OXR1: variants seen among roughly 807,000 people sequenced by gnomAD.
The protein encoded by OXR1 is oxidation resistance protein 1.
A neutral mutation model predicts 104.6 loss-of-function variants in OXR1; 41 were observed. The ratio of observed to expected loss-of-function variants is 0.39; its 90% confidence interval spans 0.31 to 0.51. The LOEUF is 0.51. Ranked by LOEUF, OXR1 falls within the 20% of genes least tolerant of loss-of-function variation. The pLI is 0.77. For missense variants in OXR1, 955 were observed against 1,031.9 expected (o/e 0.93, Z 1.02); for synonymous variants, 348 against 348.4 (o/e 1.00, Z 0.01).
At chr8:106,405,430 G>A (rs1451303002) in intron 2 of OXR1, among the ~76,000 whole-genome samples, 1 of 151,840 alleles carries the variant, frequency 6.6e-6, no homozygotes, top group East Asian at 1.9e-4. Context: ...TCTCTTCTGT[G>A]AAAGGTGAAT....
intron 3 of OXR1, among the ~76,000 whole-genome samples, chr8:106,553,124 C>A (rs890243077): frequency 6.6e-6 from 1 of 151,950 alleles, no homozygotes; most frequent in Admixed American, 6.6e-5. Flanking sequence ...TTAATGGGTG[C>A]AGCACACCAG....
intron 2 of OXR1, among the ~76,000 whole-genome samples, chr8:106,400,472 C>A (rs775065490): frequency 2.0e-4 from 30 of 152,252 alleles, no homozygotes; most frequent in Non-Finnish European, 3.8e-4. Flanking sequence ...GGAAGATTCC[C>A]AGGATTTTCC....
At chr8:106,443,058 C>T (rs1183016086) in intron 2 of OXR1, among the ~76,000 whole-genome samples, 1 of 152,054 alleles carries the variant, frequency 6.6e-6, no homozygotes, top group Non-Finnish European at 1.5e-5. Flanking sequence ...TATAAATCTC[C>T]CTCTTAACAG....
intron 3 of OXR1, among the ~76,000 whole-genome samples, chr8:106,653,765 G>A (rs563912892): frequency 2.6e-5 from 4 of 151,982 alleles, no homozygotes; most frequent in African/African-American, 9.6e-5. Flanking sequence ...AAGAAAAAAA[G>A]GCACCTGAAT....
chr8:106,465,783 A>G (rs958765626), intron 2 of OXR1, among the ~76,000 whole-genome samples: 1 of 152,012 alleles, frequency 6.6e-6, no homozygotes, highest in Non-Finnish European at 1.5e-5. Flanking sequence ...CTCTTATATC[A>G]CTAGATTTAG....
At chr8:106,547,497 T>C (rs567437757) in intron 3 of OXR1, among the ~76,000 whole-genome samples, 3,548 of 147,104 alleles carry the variant, frequency 0.024, 48 homozygotes, top group Non-Finnish European at 0.041. Flanking sequence ...TCTTTCTTTT[T>C]TTTTTTTTTT....
intron 1 of OXR1, among the ~76,000 whole-genome samples, chr8:106,319,072 G>A (rs117080265): frequency 8.3e-4 from 126 of 152,306 alleles, no homozygotes; most frequent in Non-Finnish European, 1.5e-3. Flanking sequence ...ATCCCAAACT[G>A]TGGACATCAT....
At chr8:106,291,755 G>C (rs953024062) in intron 1 of OXR1, among the ~76,000 whole-genome samples, 10 of 152,130 alleles carry the variant, frequency 6.6e-5, no homozygotes, top group African/African-American at 1.9e-4. Context: ...GTTCCACATG[G>C]CTGGGGAGGG....
At chr8:106,615,366 A>T (rs1366843011) in intron 3 of OXR1, among the ~76,000 whole-genome samples, 1 of 151,850 alleles carries the variant, frequency 6.6e-6, no homozygotes. Context: ...CAGGAGGTAG[A>T]TGTTGCAGTG....
At chr8:106,344,563 T>A (rs1815399876) in intron 1 of OXR1, among the ~76,000 whole-genome samples, 1 of 152,124 alleles carries the variant, frequency 6.6e-6, no homozygotes, top group Admixed American at 6.5e-5. Context: ...GGTCTTGATC[T>A]CCTGACCTCA....
chr8:106,685,830 G>C (rs752735861), intron 6 of OXR1, among the ~76,000 whole-genome samples: 4 of 152,086 alleles, frequency 2.6e-5, no homozygotes, highest in Non-Finnish European at 5.9e-5. Context: ...TTGCACATGC[G>C]TATATAGCAG....
intron 2 of OXR1, among the ~76,000 whole-genome samples, chr8:106,372,231 A>G (rs1486425898): frequency 6.6e-6 from 1 of 151,718 alleles, no homozygotes; most frequent in African/African-American, 2.4e-5. Flanking sequence ...AGTGTGCTCA[A>G]TCAACACCTC....
At chr8:106,317,024 C>A (rs950584216) in intron 1 of OXR1, among the ~76,000 whole-genome samples, 2 of 152,010 alleles carry the variant, frequency 1.3e-5, no homozygotes, top group African/African-American at 4.8e-5. Flanking sequence ...GCATGTGTCA[C>A]CATGCCCAGC....
intron 2 of OXR1, among the ~76,000 whole-genome samples, chr8:106,422,768 C>G (rs1443697714): frequency 1.3e-5 from 2 of 152,170 alleles, no homozygotes; most frequent in Non-Finnish European, 1.5e-5. Context: ...TAAAGGTAGA[C>G]TGCCTAAGGT....
intron 2 of OXR1, among the ~76,000 whole-genome samples, chr8:106,409,692 C>A (rs963217992): frequency 6.6e-6 from 1 of 152,052 alleles, no homozygotes; most frequent in South Asian, 2.1e-4. Flanking sequence ...TTTATTTTAG[C>A]GGGATGATAT....
At chr8:106,505,158 C>T (rs865826333) in intron 2 of OXR1, among the ~76,000 whole-genome samples, 1 of 152,060 alleles carries the variant, frequency 6.6e-6, no homozygotes, top group African/African-American at 2.4e-5. Context: ...AGAAATATGA[C>T]AGTAATTTCT....
In OXR1 at chr8:106,534,230, C is replaced by G. The variant is rs191709480; in HGVS notation, c.220+15091C>G. 3.2e-3 allele frequency among the ~76,000 whole-genome samples: 484 copies of G among 152,248 alleles called. 1 individual carries two copies. Among genetic ancestry groups the G allele is most frequent in the African/African-American group, 8.3e-3 (346 of 41,554 alleles). ...ATGCTGCCAATCCTGGGTAGCAAGACTAATTTAAAGAGCCTGAAGGCTTTC... is the reference window on the plus strand; with the variant it reads ...ATGCTGCCAATCCTGGGTAGCAAGAGTAATTTAAAGAGCCTGAAGGCTTTC... On this transcript the variant is annotated intron_variant, in intron 3 of 16. Transcript: ENST00000517566.
At chr8:106,493,830 T>C (rs1170693051) in intron 2 of OXR1, among the ~76,000 whole-genome samples, 1 of 152,154 alleles carries the variant, frequency 6.6e-6, no homozygotes, top group East Asian at 1.9e-4. Flanking sequence ...AGTATTACAT[T>C]ACCAAAATAG....
intron 2 of OXR1, among the ~76,000 whole-genome samples, chr8:106,407,931 C>T (rs1818301780): frequency 6.6e-6 from 1 of 152,156 alleles, no homozygotes; most frequent in Non-Finnish European, 1.5e-5. Flanking sequence ...ACCAGATTCC[C>T]CACTACGTTT....
Sources: allele counts gnomAD v4.1 joint callset (sites outside exome capture counted in the v4.1 genomes callset), GRCh38; gene constraint gnomAD v4.1.1; transcripts MANE v1.5; gene names NCBI Gene and HGNC (gene_info 2026-07-23, HGNC 2026-07-21).